Variants in CRIM1 observed in about 807,000 individuals in gnomAD.
CRIM1 encodes cysteine rich transmembrane BMP regulator 1.
Under a neutral mutation model 116.4 loss-of-function variants are expected in CRIM1, and 32 were observed. The ratio of observed to expected loss-of-function variants is 0.27; its 90% CI spans 0.21 to 0.37. CRIM1 has a LOEUF of 0.37. Ranked by LOEUF, CRIM1 falls within the 10% of genes least tolerant of loss-of-function variation. The pLI, the probability that CRIM1 is intolerant of heterozygous loss-of-function variation, is 1.00. For synonymous variants in CRIM1, 590 were observed against 509.2 expected (o/e 1.16, Z -2.13); for missense variants, 1,331 against 1,354.8 (o/e 0.98, Z 0.28).
intron 12 of CRIM1, 125 bp from the exon 13 acceptor site, chr2:36,521,967 A>T (rs1218113615): frequency 2.0e-5 from 14 of 711,958 alleles, no homozygotes; most frequent in Non-Finnish European, 3.0e-5. Flanking sequence ...CTGATTTGTT[A>T]CTGCGTCATG....
intron 13 of CRIM1, 119 bp downstream of exon 13, chr2:36,522,432 C>G (rs1665456863): frequency 1.4e-6 from 1 of 735,620 alleles, no homozygotes; most frequent in South Asian, 1.6e-5. Flanking sequence ...CTTGACATGT[C>G]ACACAGACCC....
At chr2:36,515,464 C>T (rs567473671) in intron 11 of CRIM1, among the ~76,000 whole-genome samples, 1 of 152,268 alleles carries the variant, frequency 6.6e-6, no homozygotes, top group Admixed American at 6.5e-5. Flanking sequence ...AGCATGTTGC[C>T]ACATAAGCCT....
At chr2:36,477,437 T>G (rs1433758524) in intron 6 of CRIM1, among the ~76,000 whole-genome samples, 2 of 152,198 alleles carry the variant, frequency 1.3e-5, no homozygotes, top group Admixed American at 6.5e-5. Context: ...CACCTCAGAT[T>G]GCTCAGTTAG....
intron 1 of CRIM1, among the ~76,000 whole-genome samples, chr2:36,386,380 G>A (rs748721882): frequency 6.6e-6 from 1 of 152,110 alleles, no homozygotes; most frequent in Non-Finnish European, 1.5e-5. Context: ...TTGATTTGTG[G>A]AAGTGTTGCT....
intron 7 of CRIM1, among the ~76,000 whole-genome samples, chr2:36,492,373 T>C (rs1399239108): frequency 1.3e-5 from 2 of 152,200 alleles, no homozygotes. Flanking sequence ...ACTCCAACCG[T>C]AAGAGACTTT....
At chr2:36,370,752 G>A (rs1013411488) in intron 1 of CRIM1, among the ~76,000 whole-genome samples, 1 of 152,104 alleles carries the variant, frequency 6.6e-6, no homozygotes, top group East Asian at 1.9e-4. Context: ...AGGGATAAAG[G>A]ATGACCACTA....
At chr2:36,462,316 T>C (rs138481100) in intron 4 of CRIM1, among the ~76,000 whole-genome samples, 4 of 152,350 alleles carry the variant, frequency 2.6e-5, no homozygotes, top group South Asian at 2.1e-4. Flanking sequence ...ATGCAATATA[T>C]GTCTATAAGA....
chr2:36,395,095 A>G (rs1343047436), intron 1 of CRIM1, among the ~76,000 whole-genome samples: 2 of 149,662 alleles, frequency 1.3e-5, no homozygotes, highest in African/African-American at 4.9e-5. Flanking sequence ...GCTGACGACA[A>G]CCTCTGCTTC....
intron 1 of CRIM1, among the ~76,000 whole-genome samples, chr2:36,375,000 T>C (rs1670216458): frequency 1.5e-5 from 2 of 136,316 alleles, no homozygotes; most frequent in Non-Finnish European, 1.5e-5. Flanking sequence ...ATTCTGTTGC[T>C]TTTTTTTTTT....
rs1016225096 is a variant in CRIM1, at chr2:36,551,105, G to A, written c.*2404G>A. ...GAGAATTATCTGCAACTTGATTCTT[G>A]GCAGGAAATAAACATTTTGAGTTGA... On this transcript the variant is annotated 3_prime_UTR_variant, in exon 17 of 17. Coordinates refer to ENST00000280527, the MANE Select transcript of CRIM1 (RefSeq NM_016441.3). 6.6e-6 allele frequency: 1 copy of A among 152,634 alleles called. No individual in the cohort carries two copies. The highest frequency in any genetic ancestry group is 1.5e-5 in the Non-Finnish European group (1 of 68,012). 9.5% of individuals were successfully genotyped at this position (152,634 alleles called of 1,614,324 possible). A position where few individuals can be genotyped will look rare whatever the true frequency, so the allele number is the denominator to read the frequency against.
At chr2:36,414,165 A>G (rs558213549) in intron 2 of CRIM1, among the ~76,000 whole-genome samples, 50 of 152,286 alleles carry the variant, frequency 3.3e-4, no homozygotes, top group African/African-American at 1.2e-3. Flanking sequence ...CTCTGCTCTC[A>G]TCTTACCGGT....
At chr2:36,516,850 G>T (rs1013657909) in intron 11 of CRIM1, among the ~76,000 whole-genome samples, 1 of 152,166 alleles carries the variant, frequency 6.6e-6, no homozygotes, top group African/African-American at 2.4e-5. Flanking sequence ...AGTTTCCCTC[G>T]TCTCTCCCTG....
Position 36,513,692 on chromosome 2 carries a change from C to G in CRIM1, c.1917C>G (p.Ala639=), listed in dbSNP as rs1397552115. ...GTCTCAATGGACGGGAAATGTGTGC[C>G]CTGATCACCTGCCCGGTGCCTGCCT... is the stretch of plus-strand genomic sequence containing the variant. ...CYCLNGREMC[A]LITCPVPACG... is the part of the protein sequence containing the mutation. Residue 639 remains alanine, a synonymous_variant, in exon 11 of 17, where the codon GCC becomes GCG. Transcript: ENST00000280527. 6.2e-7 allele frequency: 1 copy of G among 1,614,210 alleles called. No homozygotes were observed. The highest frequency in any genetic ancestry group is 8.5e-7 in the Non-Finnish European group (1 of 1,180,036).
At position 36,356,682 on chromosome 2, in the gene CRIM1, G is replaced by C. The variant is rs1668832006; in HGVS notation, c.331+59G>C. 2 of 1,513,440 alleles carry C rather than the reference G, an allele frequency of 1.3e-6. No individual in the cohort carries two copies. The highest frequency in any genetic ancestry group is 8.9e-7 in the Non-Finnish European group (1 of 1,125,084). 93.8% of individuals were successfully genotyped at this position (1,513,440 alleles called of 1,614,324 possible). A position where few individuals can be genotyped will look rare whatever the true frequency, so the allele number is the denominator to read the frequency against. On this transcript the variant is annotated intron_variant, in intron 1 of 16. Coordinates refer to ENST00000280527, the MANE Select transcript of CRIM1 (RefSeq NM_016441.3). This position sits in a 1 kb window ranked among gnomAD's most constrained non-coding sequence, Gnocchi z 4.3. ...GGCCTGCGCCGCCCCCTCGGCGCTG[G>C]TTGTGCCGAACAAAGTTTGGGCGAG...
intron 7 of CRIM1, among the ~76,000 whole-genome samples, chr2:36,497,170 G>C (rs780502965): frequency 6.6e-6 from 1 of 152,140 alleles, no homozygotes; most frequent in Non-Finnish European, 1.5e-5. Flanking sequence ...GAAGATTTTG[G>C]TATGTGTAGA....
chr2:36,435,232 A>G (rs1437378747), intron 2 of CRIM1, among the ~76,000 whole-genome samples: 2 of 152,088 alleles, frequency 1.3e-5, no homozygotes, highest in Non-Finnish European at 2.9e-5. Flanking sequence ...TACCTACTAA[A>G]TTTCCGCTAT....
At chr2:36,531,146 T>C (rs1365513913) in intron 13 of CRIM1, among the ~76,000 whole-genome samples, 1 of 152,226 alleles carries the variant, frequency 6.6e-6, no homozygotes, top group Non-Finnish European at 1.5e-5. Flanking sequence ...CTCTAAATAG[T>C]ACGCAGGAGA....
chr2:36,394,835 A>G (rs1449328142), intron 1 of CRIM1, among the ~76,000 whole-genome samples: 2 of 152,070 alleles, frequency 1.3e-5, no homozygotes, highest in African/African-American at 2.4e-5. Context: ...TCCCTTTTCA[A>G]AGGACCGCCC....
intron 4 of CRIM1, 27 bp from the exon 5 acceptor site, chr2:36,464,507 T>A: frequency 6.2e-7 from 1 of 1,613,418 alleles, no homozygotes; most frequent in South Asian, 1.1e-5. Flanking sequence ...ATTCATGGGG[T>A]TTTCCTTCCC....
Sources: gnomAD v4.1 joint callset for allele counts (sites outside exome capture counted in the v4.1 genomes callset) on GRCh38, gnomAD v4.1.1 for gene constraint, Gnocchi (gnomAD v3.1) non-coding constraint, MANE v1.5 for transcripts, NCBI Gene and HGNC (gene_info 2026-07-23, HGNC 2026-07-21) for gene names.